ING4: variants seen among roughly 807,000 people sequenced by gnomAD.
ING4 encodes inhibitor of growth family member 4, also known as inhibitor of growth protein 4.
A neutral mutation model predicts 33.1 loss-of-function variants in ING4; 28 were observed. That is an observed-to-expected ratio of 0.85 (90% CI 0.63 to 1.16). The LOEUF (loss-of-function observed/expected upper bound fraction) is 1.16, where lower values mean the gene tolerates loss of function less well. ING4 is among the 50% of genes most tolerant of loss of function. The pLI, the probability that ING4 is intolerant of heterozygous loss-of-function variation, is 0.00. For synonymous variants in ING4, 87 were observed against 104.4 expected (o/e 0.83, Z 1.02); for missense variants, 247 against 314.7 (o/e 0.78, Z 1.63).
intron 2 of ING4, 147 bp from the exon 3 acceptor site, chr12:6,653,543 C>T: frequency 1.3e-6 from 1 of 763,808 alleles, no homozygotes; most frequent in Non-Finnish European, 2.0e-6. Flanking sequence ...CTGTGCCATG[C>T]ACTCAAGTAA....
chr12:6,654,344 T>C (rs888919128), intron 2 of ING4, among the ~76,000 whole-genome samples: 7 of 151,806 alleles, frequency 4.6e-5, no homozygotes, highest in African/African-American at 1.7e-4. Flanking sequence ...TTTTTTTTTT[T>C]TTGAGACAGG....
intron 2 of ING4, among the ~76,000 whole-genome samples, chr12:6,656,242 T>G (rs369382813): frequency 1.3e-5 from 2 of 151,704 alleles, no homozygotes; most frequent in South Asian, 2.1e-4. Context: ...GTGGCATGAT[T>G]TGGGCTCACT....
rs1447798224 is a variant in ING4, at chr12:6,650,643, T to C, written c.*552A>G. The C allele has an allele frequency of 6.4e-6, 1 of 156,684 alleles. No individual in the cohort carries two copies. The highest frequency in any genetic ancestry group is 6.1e-5 in the Admixed American group (1 of 16,270). 9.7% of individuals were successfully genotyped at this position (156,684 alleles called of 1,614,324 possible). A position where few individuals can be genotyped will look rare whatever the true frequency, so the allele number is the denominator to read the frequency against. On this transcript the variant is annotated 3_prime_UTR_variant, in exon 8 of 8. Coordinates refer to ENST00000341550, the MANE Select transcript of ING4 (RefSeq NM_016162.4). ...CCAAGTTCCTTTTACATGTGAGTTATCTGCATTCCACCTTGCCCCCTCTCC... is the reference window on the plus strand; with the variant it reads ...CCAAGTTCCTTTTACATGTGAGTTACCTGCATTCCACCTTGCCCCCTCTCC...
At chr12:6,658,686 A>C (rs1408880435) in intron 1 of ING4, among the ~76,000 whole-genome samples, 1 of 152,184 alleles carries the variant, frequency 6.6e-6, no homozygotes, top group African/African-American at 2.4e-5. Context: ...ACACTGACTC[A>C]AAAAAACAAA....
intron 1 of ING4, among the ~76,000 whole-genome samples, chr12:6,661,656 C>T (rs2136285931): frequency 6.6e-6 from 1 of 151,556 alleles, no homozygotes; most frequent in South Asian, 2.1e-4. Flanking sequence ...AAACTCCTGA[C>T]CTCAAGTGAT....
rs1402099957 is a variant in ING4, at chr12:6,653,302, G to A, written c.204C>T (p.Ile68=). 1.2e-6 allele frequency: 2 copies of A among 1,614,038 alleles called. No individual in the cohort carries two copies. The highest frequency in any genetic ancestry group is 1.7e-6 in the Non-Finnish European group (2 of 1,180,044). The stretch of plus-strand genomic sequence containing the variant: ...CCTTGCACTTGCCATAGGCTTCCTG[G>A]ATCTGTTTGAGAAGGGCCAATTTTT... ...SEEKLALLKQ[I]QEAYGKCKEF... is the part of the protein sequence containing the mutation. The change falls in exon 3 of 8, where the codon ATC becomes ATT. Residue 68 remains isoleucine (I), a synonymous_variant. Coordinates refer to ENST00000341550, the MANE Select transcript of ING4 (RefSeq NM_016162.4).
intron 1 of ING4, among the ~76,000 whole-genome samples, chr12:6,662,573 A>G (rs1358008332): frequency 1.3e-5 from 2 of 152,164 alleles, no homozygotes; most frequent in African/African-American, 4.8e-5. Context: ...TTTTCATTTG[A>G]TGGGAATTAG....
chr12:6,660,323 A>G (rs1221736626), intron 1 of ING4, among the ~76,000 whole-genome samples: 1 of 151,512 alleles, frequency 6.6e-6, no homozygotes, highest in East Asian at 1.9e-4. Context: ...TATAAAAAAT[A>G]AAAGGCCTGG....
intron 1 of ING4, among the ~76,000 whole-genome samples, chr12:6,659,522 C>T (rs986323420): frequency 8.1e-5 from 12 of 147,494 alleles, no homozygotes; most frequent in African/African-American, 3.0e-4. Context: ...CAAAACAAAA[C>T]AAAAATTAGG....
At position 6,652,697 on chromosome 12, in the gene ING4, G is replaced by A; in HGVS notation, c.462C>T (p.Pro154=). 6.2e-7 allele frequency: 1 copy of A among 1,614,068 alleles called. No homozygotes were observed. The highest frequency in any genetic ancestry group is 8.5e-7 in the Non-Finnish European group (1 of 1,180,000). The change falls in exon 5 of 8, where the codon CCC becomes CCT. Residue 154 remains proline, a synonymous_variant. Transcript: ENST00000341550. ...GCTTTAACTTCTTCTGGGCAGTCTTGGGGGCTTCTTCATCCGAGTTTTTCC... is the reference window on the plus strand; with the variant it reads ...GCTTTAACTTCTTCTGGGCAGTCTTAGGGGCTTCTTCATCCGAGTTTTTCC... ...SKGKNSDEEA[P]KTAQKKLKLV...
Position 6,653,032 on chromosome 12 carries a change from G to A in ING4, c.295C>T (p.Arg99Trp), listed in dbSNP as rs1214502453. The change falls in exon 4 of 8, where the codon CGG (arginine) becomes TGG (tryptophan). Residue 99 changes from arginine (R) to tryptophan (W), a missense_variant. This residue lies in a region of ING4 where 198 missense variants were observed against 221.2 expected (regional missense o/e 0.89). Transcript: ENST00000341550. ...TYEMVDKHIR[R>W]LDTDLARFEA... ...AAACGGGCCAGGTCTGTGTCCAGCC[G>A]CCGAATGTGTTTGTCCACCTGGGTG... is the stretch of plus-strand genomic sequence containing the variant. The A allele has an allele frequency of 3.1e-6, 5 of 1,614,008 alleles. No individual in the cohort carries two copies. The highest frequency in any genetic ancestry group is 4.2e-6 in the Non-Finnish European group (5 of 1,179,996).
At chr12:6,660,817 TTC>T (rs1485438792) in intron 1 of ING4, among the ~76,000 whole-genome samples, 1 of 138,106 alleles carries the variant, frequency 7.2e-6, no homozygotes, top group Non-Finnish European at 1.6e-5. Context: ...CTGAGTAACT[TTC>T]TTTTCTTTTC....
rs1949144746 is a variant in ING4, at chr12:6,650,406, C to T, written c.*789G>A. ...GAGACCCCCTGGTCTGAGGCCTACC[C>T]TCCAGCACCTCTGTCTTTCCCAAGT... On this transcript the variant is annotated 3_prime_UTR_variant, in exon 8 of 8. Coordinates refer to ENST00000341550, the MANE Select transcript of ING4 (RefSeq NM_016162.4). 1 of 152,370 alleles carries T rather than the reference C, an allele frequency of 6.6e-6. No homozygotes were observed. Among genetic ancestry groups the T allele is most frequent in the Non-Finnish European group, 1.5e-5 (1 of 68,044 alleles). The allele number at this position is 152,370 out of a possible 1,614,324, so 9.4% of individuals were successfully genotyped here. A position where few individuals can be genotyped will look rare whatever the true frequency, so the allele number is the denominator to read the frequency against.
intron 2 of ING4, chr12:6,655,767 C>A (rs1446969986): frequency 4.5e-6 from 2 of 447,736 alleles, no homozygotes; most frequent in African/African-American, 4.0e-5. Flanking sequence ...CATCCTTGAA[C>A]ATGGCTACAT....
At chr12:6,657,015 G>A (rs1055530214) in intron 1 of ING4, among the ~76,000 whole-genome samples, 2 of 152,130 alleles carry the variant, frequency 1.3e-5, no homozygotes, top group Non-Finnish European at 2.9e-5. Context: ...TTAGCCTAGT[G>A]TGACGGTGGG....
chr12:6,655,594 CAA>C lies in ING4; in HGVS notation c.109+1131_109+1132del, dbSNP rs1263055492. On this transcript the variant is annotated intron_variant, in intron 2 of 7. Coordinates refer to ENST00000341550, the MANE Select transcript of ING4 (RefSeq NM_016162.4). Reference sequence around the variant, plus strand: ...CCAACTGTCTTTCCATGCATGAACTCAAGAGTTACAACTGTATTACAAAAAAA... The same window carrying C: ...CCAACTGTCTTTCCATGCATGAACTCGAGTTACAACTGTATTACAAAAAAA... 3 of 1,113,648 alleles carry C rather than the reference CAA, an allele frequency of 2.7e-6. No individual in the cohort carries two copies. The African/African-American group carries it at 5.0e-5, about 19-fold the overall frequency. 69.0% of individuals were successfully genotyped at this position (1,113,648 alleles called of 1,614,324 possible). A position where few individuals can be genotyped will look rare whatever the true frequency, so the allele number is the denominator to read the frequency against.
chr12:6,651,500 C>A, intron 6 of ING4, 115 bp from the exon 7 acceptor site: 1 of 863,544 alleles, frequency 1.2e-6, no homozygotes, highest in Non-Finnish European at 1.9e-6. Flanking sequence ...TTGGAGAATT[C>A]TTGGAAGTCC....
In ING4 at chr12:6,661,360, T is replaced by C. The variant is rs933024549; in HGVS notation, c.37+1705A>G. On this transcript the variant is annotated intron_variant, in intron 1 of 7. Coordinates refer to ENST00000341550, the MANE Select transcript of ING4 (RefSeq NM_016162.4). ...ATCCGCCTGCCTCAGCCTCCCAAAG[T>C]GTTGGGATTACAGGCATGAGCCACC... is the stretch of plus-strand genomic sequence containing the variant. Among the ~76,000 whole-genome samples, 9 of 151,132 alleles carry C rather than the reference T, an allele frequency of 6.0e-5. No homozygotes were observed. The South Asian group carries it at 6.3e-4, about 11-fold the overall frequency.
chr12:6,662,911 CCCCTCTTTCTCCGCA>C (rs1949604156), intron 1 of ING4, among the ~76,000 whole-genome samples, 139 bp downstream of exon 1: 1 of 152,036 alleles, frequency 6.6e-6, no homozygotes, highest in East Asian at 1.9e-4. Context: ...GCTGCCCCGC[CCCCTCTTTCTCCGCA>C]CCCTCCAATA....
Sources: gnomAD v4.1 joint callset for allele counts (sites outside exome capture counted in the v4.1 genomes callset) on GRCh38, gnomAD v4.1.1 for gene constraint, gnomAD v4.1.1 regional missense constraint, MANE v1.5 for transcripts, NCBI Gene and HGNC (gene_info 2026-07-23, HGNC 2026-07-21) for gene names.